The following AGBL1 variants were observed in gnomAD, a reference collection of about 807,000 sequenced individuals.
AGBL1 encodes the protein cytosolic carboxypeptidase 4.
In AGBL1, 130 loss-of-function variants were observed where a neutral mutation model predicts 118.9. That is an observed-to-expected ratio of 1.09 (90% CI 0.95 to 1.26). AGBL1 has a LOEUF of 1.26. AGBL1 is among the 50% of genes most tolerant of loss of function. The pLI, the probability that AGBL1 is intolerant of heterozygous loss-of-function variation, is 0.00. For missense variants in AGBL1, 1,584 were observed against 1,298.1 expected, an observed-to-expected ratio of 1.22 and a Z score of -3.38; for synonymous variants, 555 against 478.9, an observed-to-expected ratio of 1.16 and a Z score of -2.08.
At chr15:86,920,226 C>G (rs576485752), downstream of AGBL1, among the ~76,000 whole-genome samples, 2 of 152,248 alleles carry the variant, frequency 1.3e-5, no homozygotes, top group East Asian at 1.9e-4. Context: ...AGGCACTGAG[C>G]TCCCCATTTC....
chr15:86,767,324 G>C (rs993104915), intron 22 of AGBL1, among the ~76,000 whole-genome samples: 2 of 151,870 alleles, frequency 1.3e-5, no homozygotes, highest in Non-Finnish European at 2.9e-5. Flanking sequence ...GCCTTTGTCT[G>C]GTGTCATTAT....
intron 21 of AGBL1, among the ~76,000 whole-genome samples, chr15:86,672,698 C>G (rs1237874275): frequency 6.6e-6 from 1 of 151,982 alleles, no homozygotes. Flanking sequence ...AAAAGAGACT[C>G]AGATTTCTCT....
chr15:86,520,904 G>A (rs960566510), intron 18 of AGBL1, among the ~76,000 whole-genome samples: 3 of 152,124 alleles, frequency 2.0e-5, no homozygotes, highest in Admixed American at 6.5e-5. Flanking sequence ...GTTCCTTTCT[G>A]TTGCTATCGG....
At chr15:87,021,208 A>C (rs1400224163) in intron 24 of AGBL1, among the ~76,000 whole-genome samples, 1 of 152,072 alleles carries the variant, frequency 6.6e-6, no homozygotes, top group East Asian at 1.9e-4. Flanking sequence ...CAACCATCTG[A>C]TCTTTGACAA....
chr15:86,587,808 A>T (rs1432666121), intron 21 of AGBL1, among the ~76,000 whole-genome samples: 5 of 152,200 alleles, frequency 3.3e-5, no homozygotes, highest in Non-Finnish European at 7.3e-5. Flanking sequence ...TAGTAATCAC[A>T]CAACAGCTGC....
Position 86,702,110 on chromosome 15 carries a change from A to G in AGBL1, c.3158+27674A>G, listed in dbSNP as rs529709668. 2.6e-5 allele frequency among the ~76,000 whole-genome samples: 4 copies of G among 152,098 alleles called. No homozygotes were observed. In the South Asian group the frequency reaches 6.2e-4, roughly 24 times the overall value. On this transcript the variant is annotated intron_variant, in intron 22 of 22. Transcript: ENST00000614907. ...TAAATCCTATCCATAGCTCCAATCC[A>G]TAGCTCATATTAAACAAATGTAAAT... is the stretch of plus-strand genomic sequence containing the variant.
chr15:86,747,335 G>C (rs2077772278), intron 22 of AGBL1, among the ~76,000 whole-genome samples: 1 of 151,964 alleles, frequency 6.6e-6, no homozygotes, highest in East Asian at 1.9e-4. Flanking sequence ...GTAGATTAAA[G>C]TAATATACAA....
At chr15:86,434,154 T>G (rs2081972869) in intron 18 of AGBL1, among the ~76,000 whole-genome samples, 1 of 152,222 alleles carries the variant, frequency 6.6e-6, no homozygotes, top group African/African-American at 2.4e-5. Flanking sequence ...CTGACCAAAT[T>G]AACCTTTTTG....
chr15:86,190,510 A>G (rs1227839437), intron 5 of AGBL1, among the ~76,000 whole-genome samples: 1 of 152,144 alleles, frequency 6.6e-6, no homozygotes, highest in African/African-American at 2.4e-5. Context: ...TCTGTTTGGT[A>G]CAGCCGTGTC....
rs567622421 is a variant in AGBL1 at position 86,938,294 on chromosome 15, C to T, written c.3222-49693C>T. Among the ~76,000 whole-genome samples, 3 of 152,288 alleles carry T rather than the reference C, an allele frequency of 2.0e-5. No homozygotes were observed. The South Asian group carries it at 6.2e-4, about 32-fold the overall frequency. On this transcript the variant is annotated intron_variant, in intron 23 of 24. Transcript: ENST00000441037. ...CAAGAGCCCTTTCCCCTTTTATAGT[C>T]TTCCCATCTTGCACGGGACACAGAT...
downstream of AGBL1, among the ~76,000 whole-genome samples, chr15:87,030,593 T>A (rs1280098299): frequency 6.6e-6 from 1 of 151,982 alleles, no homozygotes; most frequent in Non-Finnish European, 1.5e-5. Flanking sequence ...GAGAAAATGA[T>A]GTCATTGCAA....
chr15:86,700,569 T>A (rs528309166), intron 22 of AGBL1, among the ~76,000 whole-genome samples: 1 of 151,824 alleles, frequency 6.6e-6, no homozygotes, highest in African/African-American at 2.4e-5. Context: ...AACAATATAG[T>A]ACCTTCTTTA....
intron 1 of AGBL1, among the ~76,000 whole-genome samples, chr15:86,082,277 T>C (rs765305032): frequency 6.6e-6 from 1 of 152,246 alleles, no homozygotes; most frequent in Non-Finnish European, 1.5e-5. Context: ...GCTCACATTG[T>C]TTCTGAGAAA....
chr15:86,823,082 T>C (rs1462073893), intron 22 of AGBL1, among the ~76,000 whole-genome samples: 1 of 152,120 alleles, frequency 6.6e-6, no homozygotes, highest in Non-Finnish European at 1.5e-5. Flanking sequence ...AATGATAGGC[T>C]CAGGTCAACT....
At chr15:86,599,798 A>G (rs1032205411) in intron 21 of AGBL1, among the ~76,000 whole-genome samples, 9 of 152,128 alleles carry the variant, frequency 5.9e-5, no homozygotes, top group African/African-American at 2.2e-4. Flanking sequence ...CAGTTGTGGT[A>G]AACACTATTT....
At chr15:86,432,781 C>T (rs2081950617) in intron 18 of AGBL1, among the ~76,000 whole-genome samples, 1 of 152,108 alleles carries the variant, frequency 6.6e-6, no homozygotes, top group South Asian at 2.1e-4. Flanking sequence ...TAATTTTTTT[C>T]TTGGGTCCAG....
intron 22 of AGBL1, among the ~76,000 whole-genome samples, chr15:86,784,300 A>G (rs989756343): frequency 1.3e-5 from 2 of 152,228 alleles, no homozygotes; most frequent in Non-Finnish European, 2.9e-5. Flanking sequence ...TTCAGGAAAA[A>G]TATAGCCAGA....
At chr15:86,698,602 T>C (rs2086302555) in intron 22 of AGBL1, among the ~76,000 whole-genome samples, 1 of 150,512 alleles carries the variant, frequency 6.6e-6, no homozygotes, top group Non-Finnish European at 1.5e-5. Context: ...TATATAGTGC[T>C]GATCATTGTT....
intron 15 of AGBL1, among the ~76,000 whole-genome samples, chr15:86,275,046 G>A (rs2079225736): frequency 6.6e-6 from 1 of 152,058 alleles, no homozygotes; most frequent in South Asian, 2.1e-4. Context: ...TCTCGTAAAA[G>A]TAAGCAAGGG....
Sources: gnomAD v4.1 joint callset for allele counts (sites outside exome capture counted in the v4.1 genomes callset) on GRCh38, gnomAD v4.1.1 for gene constraint, MANE v1.5 for transcripts, NCBI Gene and HGNC (gene_info 2026-07-23, HGNC 2026-07-21) for gene names.